GGT1: variants seen among roughly 807,000 people sequenced by gnomAD.
GGT1 encodes the protein glutathione hydrolase 1 proenzyme.
In GGT1, 21 loss-of-function variants were observed where a neutral mutation model predicts 56.0. The observed-to-expected ratio is 0.38, with a 90% confidence interval of 0.27 to 0.54. The LOEUF (loss-of-function observed/expected upper bound fraction) is 0.54. Among genes scored for constraint, GGT1 ranks in the 20% least tolerant of loss-of-function variants. GGT1 has a pLI of 0.82. For synonymous variants in GGT1, 238 were observed against 342.6 expected, an observed-to-expected ratio of 0.69 and a Z score of 3.37; for missense variants, 466 against 787.0, an observed-to-expected ratio of 0.59 and a Z score of 4.88.
chr22:24,592,904 G>A, upstream of GGT1: 2 of 1,279,582 alleles, frequency 1.6e-6, no homozygotes, highest in Non-Finnish European at 2.0e-6. Flanking sequence ...CGCTCCGGCC[G>A]CCGCTCGCGG....
chr22:24,593,145 C>T (rs1214747043), upstream of GGT1: 22 of 992,826 alleles, frequency 2.2e-5, no homozygotes, highest in Non-Finnish European at 2.6e-5. Context: ...GGCCCTGCCC[C>T]GTCCGGGTCC....
the GGT1 span, chr22:24,589,499 C>A: frequency 1.9e-6 from 1 of 526,028 alleles, no homozygotes; most frequent in Non-Finnish European, 2.7e-6. Context: ...CAGTCTGTGA[C>A]CCGCAGGGTC....
At position 24,605,169 on chromosome 22, in the gene GGT1, TATA is replaced by T. The variant is rs1326615058; in HGVS notation, c.-429+1646_-429+1648del. Among the ~76,000 whole-genome samples the T allele has an allele frequency of 2.5e-5, 2 of 81,412 alleles. 1 individual carries two copies. The highest frequency in any genetic ancestry group is 4.1e-5 in the Non-Finnish European group (2 of 48,396). 53.4% of individuals were successfully genotyped at this position (81,412 alleles called of 152,430 possible). A position where few individuals can be genotyped will look rare whatever the true frequency, so the allele number is the denominator to read the frequency against. ...ATAATATGTATTATATTATATATTA[TATA>T]ATATGTAATATATTATATAATATAT... On this transcript the variant is annotated intron_variant, in intron 1 of 15. Coordinates refer to ENST00000400382, the MANE Select transcript of GGT1 (RefSeq NM_001288833.2).
At chr22:24,601,633 T>A (rs759249415), upstream of GGT1, among the ~76,000 whole-genome samples, 56 of 152,364 alleles carry the variant, frequency 3.7e-4, no homozygotes, top group South Asian at 4.8e-3. Flanking sequence ...TCAGAGGGAC[T>A]GTGTGGCTGG....
intron 7 of GGT1, among the ~76,000 whole-genome samples, chr22:24,616,669 C>T (rs180981659): frequency 6.7e-4 from 102 of 151,470 alleles, no homozygotes; most frequent in African/African-American, 2.3e-3. Flanking sequence ...CTCAGCCTCC[C>T]GAATAGCTGG....
At chr22:24,591,687 C>T (rs1412162630), upstream of GGT1, among the ~76,000 whole-genome samples, 1 of 152,226 alleles carries the variant, frequency 6.6e-6, no homozygotes, top group Non-Finnish European at 1.5e-5. Context: ...GTCTTGGACT[C>T]CAGGCAGCAT....
the GGT1 span, chr22:24,585,813 T>C: frequency 7.2e-7 from 1 of 1,397,752 alleles, no homozygotes; most frequent in East Asian, 2.5e-5. Flanking sequence ...GAGTCCTCCT[T>C]GACCTTCATC....
chr22:24,623,433 A>T (rs2047554909), intron 10 of GGT1, among the ~76,000 whole-genome samples, 177 bp downstream of exon 10: 1 of 151,816 alleles, frequency 6.6e-6, no homozygotes, highest in Non-Finnish European at 1.5e-5. Context: ...GTGCAGAGCG[A>T]CAGGGCTGAA....
the GGT1 span, chr22:24,586,104 C>A: frequency 6.2e-7 from 1 of 1,612,856 alleles, no homozygotes; most frequent in South Asian, 1.1e-5. Flanking sequence ...CCCAGGTCCA[C>A]CCAAGCCAAA....
chr22:24,624,000 A>G, intron 11 of GGT1, 84 bp downstream of exon 11: 1 of 1,576,198 alleles, frequency 6.3e-7, no homozygotes, highest in Non-Finnish European at 8.6e-7. Context: ...CTACAGCCTC[A>G]CATATGCTTT....
At chr22:24,588,054 C>T in the GGT1 span, among the ~76,000 whole-genome samples, 2 of 152,124 alleles carry the variant, frequency 1.3e-5, no homozygotes, top group African/African-American at 2.4e-5. Flanking sequence ...TCTGCTACCA[C>T]GGGCCAGGCT....
intron 11 of GGT1, among the ~76,000 whole-genome samples, chr22:24,626,763 C>T (rs1452736892): frequency 6.6e-6 from 1 of 151,346 alleles, no homozygotes; most frequent in Admixed American, 6.7e-5. Flanking sequence ...GCTCATTCCT[C>T]TGCCCTAAGC....
chr22:24,588,184 G>C, the GGT1 span: 14 of 1,526,934 alleles, frequency 9.2e-6, no homozygotes, highest in Non-Finnish European at 1.3e-5. Flanking sequence ...GAGCAGCAGT[G>C]AGGAGGGGCA....
chr22:24,584,899 G>C, the GGT1 span, among the ~76,000 whole-genome samples: 1 of 152,056 alleles, frequency 6.6e-6, no homozygotes, highest in African/African-American at 2.4e-5. Context: ...TTCTGGCTGG[G>C]AGCCCACCCT....
chr22:24,624,665 A>G (rs1413194406), intron 11 of GGT1: 3 of 981,492 alleles, frequency 3.1e-6, no homozygotes, highest in African/African-American at 1.8e-5. Flanking sequence ...CAGCTCCTTC[A>G]TCTACTCGCT....
At chr22:24,625,136 G>A (rs2047668385) in intron 11 of GGT1, among the ~76,000 whole-genome samples, 1 of 152,174 alleles carries the variant, frequency 6.6e-6, no homozygotes, top group African/African-American at 2.4e-5. Context: ...TTTTCTGAGG[G>A]ATTCCACAGT....
chr22:24,607,733 G>C (rs2046411161), intron 1 of GGT1: 1 of 293,834 alleles, frequency 3.4e-6, no homozygotes, highest in South Asian at 2.6e-5. Flanking sequence ...CTTGGACTAG[G>C]TAAGCTCATG....
intron 5 of GGT1, among the ~76,000 whole-genome samples, chr22:24,611,554 CT>C (rs59647208): frequency 0.045 from 2,837 of 62,594 alleles, 41 homozygotes; most frequent in African/African-American, 0.069. Context: ...ATCTATCTAT[CT>C]ATCTATCTAT....
At chr22:24,616,790 C>A (rs1276228346) in intron 7 of GGT1, among the ~76,000 whole-genome samples, 1 of 152,008 alleles carries the variant, frequency 6.6e-6, no homozygotes, top group Non-Finnish European at 1.5e-5. Flanking sequence ...CGTGATCCCC[C>A]GGCCTCGGCC....
Sources: allele counts gnomAD v4.1 joint callset (sites outside exome capture counted in the v4.1 genomes callset), GRCh38; gene constraint gnomAD v4.1.1; transcripts MANE v1.5; gene names NCBI Gene and HGNC (gene_info 2026-07-23, HGNC 2026-07-21).